Variants in WDR62 observed in about 807,000 individuals in gnomAD.
WDR62 encodes WD repeat-containing protein 62.
WDR62 carries 112 observed loss-of-function variants against 160.6 expected under a neutral mutation model. That is an observed-to-expected ratio of 0.70 (90% CI 0.60 to 0.82). The LOEUF (loss-of-function observed/expected upper bound fraction) is 0.82, where lower values mean the gene tolerates loss of function less well. Ranked by LOEUF, WDR62 falls within the 40% of genes least tolerant of loss-of-function variation. WDR62 has a pLI of 0.00. For synonymous variants in WDR62, 792 were observed against 815.1 expected, an observed-to-expected ratio of 0.97 and a Z score of 0.48; for missense variants, 1,819 against 1,983.8, an observed-to-expected ratio of 0.92 and a Z score of 1.58.
At chr19:36,101,034 AGGTGG>A (rs1430296852) in intron 23 of WDR62, among the ~76,000 whole-genome samples, 159 bp downstream of exon 23, 1 of 152,056 alleles carries the variant, frequency 6.6e-6, no homozygotes, top group Non-Finnish European at 1.5e-5. Context: ...CCCTGGTTCC[AGGTGG>A]GGTACAGGAG....
rs750350692 is a variant in WDR62 at position 36,101,755 on chromosome 19, G to A, written c.3063G>A (p.Thr1021=). ...PPPDPAPRFA[T]SLPHFPGCAG... ...CTGACCCTGCCCCTCGGTTTGCCAC[G>A]TCGCTGCCCCATTTCCCAGGTAAGC... The change falls in exon 25 of 32, where the codon ACG becomes ACA. Residue 1021 remains threonine (T), a synonymous_variant. Coordinates refer to ENST00000401500, the MANE Select transcript of WDR62 (RefSeq NM_001083961.2). The A allele has an allele frequency of 1.1e-4, 169 of 1,551,870 alleles. No homozygotes were observed. Among genetic ancestry groups the A allele is most frequent in the Admixed American group, 2.5e-4 (13 of 51,124 alleles).
chr19:36,084,799 C>A, intron 12 of WDR62, 55 bp downstream of exon 12: 1 of 1,540,404 alleles, frequency 6.5e-7, no homozygotes, highest in Non-Finnish European at 8.9e-7. Context: ...GCCCCCCTGG[C>A]AGGGCCACAG....
intron 7 of WDR62, among the ~76,000 whole-genome samples, chr19:36,068,887 G>A (rs1971095049): frequency 6.6e-6 from 1 of 150,614 alleles, no homozygotes; most frequent in South Asian, 2.1e-4. Context: ...TCCCAGACGG[G>A]GTGGTGGCCG....
At chr19:36,097,222 C>G (rs915503493) in intron 21 of WDR62, 143 bp downstream of exon 21, 1 of 795,488 alleles carries the variant, frequency 1.3e-6, no homozygotes, top group Admixed American at 2.1e-5. Flanking sequence ...GTGAGACAGC[C>G]CTTTGTTCAT....
In WDR62 at chr19:36,101,289, C is replaced by T. The variant is rs1381737931; in HGVS notation, c.2943C>T (p.Asp981=). Residue 981 remains aspartate (D), a synonymous_variant, in exon 24 of 32, where the codon GAC becomes GAT. Coordinates refer to ENST00000401500, the MANE Select transcript of WDR62 (RefSeq NM_001083961.2). Reference sequence around the variant, plus strand: ...ACTCCTACCTCAGGGTGTCCTCCGACAGCCCAAAGGACCAGAGCCCGCCTG... The same window carrying T: ...ACTCCTACCTCAGGGTGTCCTCCGATAGCCCAAAGGACCAGAGCCCGCCTG... ...QGDSYLRVSS[D]SPKDQSPPED... 6.2e-7 allele frequency: 1 copy of T among 1,612,368 alleles called. No homozygotes were observed. Among genetic ancestry groups the T allele is most frequent in the Non-Finnish European group, 8.5e-7 (1 of 1,179,632 alleles).
chr19:36,086,111 C>T (rs370231762), intron 12 of WDR62, among the ~76,000 whole-genome samples: 1 of 152,036 alleles, frequency 6.6e-6, no homozygotes, highest in African/African-American at 2.4e-5. Flanking sequence ...TCTCTCATCC[C>T]CCATGCTGTG....
rs955867980 is a variant in WDR62 at position 36,099,194 on chromosome 19, C to G, written c.2521-205C>G. On this transcript the variant is annotated intron_variant, in intron 21 of 31. Transcript: ENST00000401500. ...CCAAGGTCACGCCACTGCACTCCAG[C>G]CTGGGAGACAGAGCAAGACTTCGTC... 5.7e-5 allele frequency among the ~76,000 whole-genome samples: 8 copies of G among 140,690 alleles called. No homozygotes were observed. In the East Asian group the frequency reaches 1.7e-3, roughly 29 times the overall value. The allele number at this position is 140,690 out of a possible 152,430, so 92.3% of individuals were successfully genotyped here.
intron 9 of WDR62, among the ~76,000 whole-genome samples, chr19:36,080,348 T>C (rs2145697759): frequency 6.6e-6 from 1 of 152,054 alleles, no homozygotes; most frequent in Admixed American, 6.6e-5. Flanking sequence ...TCTCCTGACC[T>C]CGTGATCCTC....
At chr19:36,097,535 A>G (rs764534584) in intron 21 of WDR62, among the ~76,000 whole-genome samples, 52 of 151,602 alleles carry the variant, frequency 3.4e-4, no homozygotes, top group Non-Finnish European at 5.7e-4. Context: ...CTGAGAAGGC[A>G]CCACTACTAC....
chr19:36,085,406 C>G (rs1400280025), intron 12 of WDR62, among the ~76,000 whole-genome samples: 1 of 68,758 alleles, frequency 1.5e-5, no homozygotes, highest in African/African-American at 4.3e-5. Flanking sequence ...TGAGCCACCA[C>G]ACCTGACCTT....
chr19:36,086,830 C>T lies in WDR62; in HGVS notation c.1768+18C>T, dbSNP rs200186710. On this transcript the variant is annotated intron_variant, in intron 13 of 31. Transcript: ENST00000401500. ...GTTCGCTGGTGAGCCCCTTTCTTCC[C>T]GCTCCCTGCGCCTTGCTAGCTACCC... 1,311 of 1,606,536 alleles carry T rather than the reference C, an allele frequency of 8.2e-4. 2 individuals are homozygous for T. The highest frequency in any genetic ancestry group is 1.0e-3 in the Non-Finnish European group (1,228 of 1,175,878).
chr19:36,099,585 G>A lies in WDR62; in HGVS notation c.2707G>A (p.Glu903Lys), dbSNP rs770078209. ...GGAGAACTCCATTCTGGATTCACTG[G>A]AGCCACAGAGCCTGGCCAGCCTGCT... The part of the protein sequence containing the change: ...SLENSILDSL[E>K]PQSLASLLSE... The change falls in exon 22 of 32, where the codon GAG becomes AAG. Residue 903 changes from glutamate to lysine, a missense_variant. By Grantham distance (56) the Glu-to-Lys change is moderately conservative. Around this residue, in one of 3 missense-constraint regions of WDR62, gnomAD observed 934 missense variants for 1,157.2 expected, o/e 0.81. Transcript: ENST00000401500. 11 of 1,614,074 alleles carry A rather than the reference G, an allele frequency of 6.8e-6. No homozygotes were observed. Among genetic ancestry groups the A allele is most frequent in the Non-Finnish European group, 8.5e-6 (10 of 1,180,042 alleles).
rs756586205 is a variant in WDR62 at position 36,066,281 on chromosome 19, A to G, written c.415A>G (p.Ile139Val). 6.2e-6 allele frequency: 10 copies of G among 1,614,110 alleles called. No individual in the cohort carries two copies. Among genetic ancestry groups the G allele is most frequent in the African/African-American group, 5.3e-5 (4 of 74,932 alleles). The change falls in exon 5 of 32, where the codon ATC (isoleucine) becomes GTC (valine). Residue 139 changes from isoleucine to valine, a missense_variant. This residue lies in a region of WDR62 where 934 missense variants were observed against 1,157.2 expected (regional missense o/e 0.81). Transcript: ENST00000401500. ...GAATGGGCATAGGCCTGCTGTGCGC[A>G]TCTGGGATGTGGAGGAGAAGAATCA... ...GENGHRPAVR[I>V]WDVEEKNQVA...
chr19:36,079,457 A>G (rs1030359390), intron 9 of WDR62, among the ~76,000 whole-genome samples: 1 of 151,942 alleles, frequency 6.6e-6, no homozygotes. Flanking sequence ...TTTCGTCTCA[A>G]TCTCCTCTTT....
At position 36,089,312 on chromosome 19, in the gene WDR62, G is replaced by C. The variant is rs1358241161; in HGVS notation, c.1958+6G>C. 5 of 1,614,090 alleles carry C rather than the reference G, an allele frequency of 3.1e-6. No individual in the cohort carries two copies. Among genetic ancestry groups the C allele is most frequent in the Admixed American group, 1.7e-5 (1 of 60,006 alleles). On this transcript the variant is annotated splice_donor_region_variant and intron_variant, in intron 15 of 31. Coordinates refer to ENST00000401500, the MANE Select transcript of WDR62 (RefSeq NM_001083961.2). The stretch of plus-strand genomic sequence containing the variant: ...TGCCAGGACCGCAATGTGAGGTAAG[G>C]GGTGGCCCTGGACCCTTAGCTGGCC...
chr19:36,090,636 C>T (rs1234182936), intron 16 of WDR62, 116 bp downstream of exon 16: 1 of 923,620 alleles, frequency 1.1e-6, no homozygotes, highest in Non-Finnish European at 1.8e-6. Context: ...TGCCCAGCAC[C>T]TTCTCAGGCC....
chr19:36,104,984 G>A lies in WDR62; in HGVS notation c.4528G>A (p.Glu1510Lys), dbSNP rs377712489. The A allele has an allele frequency of 1.3e-4, 205 of 1,603,978 alleles. No individual in the cohort carries two copies. The highest frequency in any genetic ancestry group is 1.7e-4 in the Non-Finnish European group (199 of 1,177,828). Reference protein sequence around the residue: ...DLQALLEHYSELLVQAVRRKA... With the variant: ...DLQALLEHYSKLLVQAVRRKA... ...GCAGGCCCTGCTGGAACACTACTCG[G>A]AGCTGCTGGTGCAGGCCGTGCGGAG... The change falls in exon 32 of 32, where the codon GAG (glutamate) becomes AAG (lysine). Residue 1510 changes from glutamate to lysine, a missense_variant. Coordinates refer to ENST00000401500, the MANE Select transcript of WDR62 (RefSeq NM_001083961.2).
chr19:36,106,138 C>T (rs541239760), downstream of WDR62, among the ~76,000 whole-genome samples: 6 of 152,348 alleles, frequency 3.9e-5, no homozygotes, highest in East Asian at 3.9e-4. Context: ...CTACATTCCA[C>T]GAGCTCCCAG....
chr19:36,104,065 C>T lies in WDR62; in HGVS notation c.4153+84C>T, dbSNP rs2145882835. 6 of 1,533,058 alleles carry T rather than the reference C, an allele frequency of 3.9e-6. No homozygotes were observed. The African/African-American group carries it at 4.1e-5, about 10-fold the overall frequency. The allele number at this position is 1,533,058 out of a possible 1,614,324, so 95.0% of individuals were successfully genotyped here. A position where few individuals can be genotyped will look rare whatever the true frequency, so the allele number is the denominator to read the frequency against. On this transcript the variant is annotated intron_variant, in intron 30 of 31. Coordinates refer to ENST00000401500, the MANE Select transcript of WDR62 (RefSeq NM_001083961.2). ...TCAGCTCCAAAGATGGATACTTGACCTGGCCACAGGGACTGTGCCATTCAT... is the reference window on the plus strand; with the variant it reads ...TCAGCTCCAAAGATGGATACTTGACTTGGCCACAGGGACTGTGCCATTCAT...
Sources: gnomAD v4.1 joint callset for allele counts (sites outside exome capture counted in the v4.1 genomes callset) on GRCh38, gnomAD v4.1.1 for gene constraint, gnomAD v4.1.1 regional missense constraint, MANE v1.5 for transcripts, NCBI Gene and HGNC (gene_info 2026-07-23, HGNC 2026-07-21) for gene names.